Variants in SMAD3 observed in about 807,000 individuals in gnomAD.
SMAD3 encodes SMAD family member 3.
Under a neutral mutation model 51.8 loss-of-function variants are expected in SMAD3, and 12 were observed. That is an observed-to-expected ratio of 0.23 (90% CI 0.15 to 0.38). The LOEUF (loss-of-function observed/expected upper bound fraction) is 0.38. Ranked by LOEUF, SMAD3 falls within the 10% of genes least tolerant of loss-of-function variation. SMAD3 has a pLI of 1.00. For synonymous variants in SMAD3, 238 were observed against 227.7 expected (o/e 1.05, Z -0.41); for missense variants, 294 against 565.6 (o/e 0.52, Z 4.87).
At chr15:67,093,483 A>G (rs1455151276) in intron 1 of SMAD3, among the ~76,000 whole-genome samples, 3 of 152,162 alleles carry the variant, frequency 2.0e-5, no homozygotes, top group African/African-American at 7.2e-5. Flanking sequence ...CTGGCATCAG[A>G]TGATACTGGT....
rs1378663292 is a variant in SMAD3 at position 67,194,816 on chromosome 15, C to T, written c.*4280C>T. On this transcript the variant is annotated 3_prime_UTR_variant, in exon 9 of 9. Transcript: ENST00000327367. ...CAAGGGTCCTCTGAACCAAGCCCCA[C>T]TCCCTTGCTAGGGGTGAAAGCATTA... The T allele has an allele frequency of 8.6e-6, 2 of 232,784 alleles. No homozygotes were observed. Among genetic ancestry groups the T allele is most frequent in the Non-Finnish European group, 1.7e-5 (2 of 117,476 alleles). The allele number at this position is 232,784 out of a possible 1,614,324, so 14.4% of individuals were successfully genotyped here. A position where few individuals can be genotyped will look rare whatever the true frequency, so the allele number is the denominator to read the frequency against.
At chr15:67,124,751 T>A (rs4776896) in intron 1 of SMAD3, among the ~76,000 whole-genome samples, 103,095 of 152,030 alleles carry the variant, frequency 0.68, 35,003 homozygotes, top group African/African-American at 0.72. Flanking sequence ...GAAAAACCTC[T>A]CTGCTCTGTG....
At chr15:67,138,153 C>A in intron 1 of SMAD3, 2 of 1,351,346 alleles carry the variant, frequency 1.5e-6, no homozygotes, top group Non-Finnish European at 2.1e-6. Context: ...CTCGTCTCCC[C>A]ACCCGTCCAC....
chr15:67,144,158 G>C (rs967916410), intron 1 of SMAD3, among the ~76,000 whole-genome samples: 3 of 151,956 alleles, frequency 2.0e-5, no homozygotes, highest in African/African-American at 7.3e-5. Flanking sequence ...CATCTTGTTT[G>C]CCTGCTGCCC....
chr15:67,115,199 T>G (rs1961107722), intron 1 of SMAD3, among the ~76,000 whole-genome samples: 1 of 152,178 alleles, frequency 6.6e-6, no homozygotes, highest in Non-Finnish European at 1.5e-5. Context: ...CCATGAGCAC[T>G]TCCAGGAGCA....
At chr15:67,160,217 A>G (rs1962388852) in intron 1 of SMAD3, among the ~76,000 whole-genome samples, 1 of 152,248 alleles carries the variant, frequency 6.6e-6, no homozygotes, top group Admixed American at 6.5e-5. Flanking sequence ...GGAACTTCCA[A>G]GCTGTTTTCC....
chr15:67,121,223 C>G (rs2140243378), intron 1 of SMAD3, among the ~76,000 whole-genome samples: 1 of 152,334 alleles, frequency 6.6e-6, no homozygotes, highest in South Asian at 2.1e-4. Context: ...CGGCGTGGAG[C>G]CCAGTGGGGA....
intron 1 of SMAD3, among the ~76,000 whole-genome samples, chr15:67,120,366 T>C (rs1171233131): frequency 6.6e-6 from 1 of 152,210 alleles, no homozygotes; most frequent in Admixed American, 6.5e-5. Context: ...ACAAGTCTTA[T>C]ACACATGCCA....
At chr15:67,106,791 G>A (rs60475227) in intron 1 of SMAD3, among the ~76,000 whole-genome samples, 4,606 of 152,124 alleles carry the variant, frequency 0.03, 223 homozygotes, top group African/African-American at 0.1. Flanking sequence ...TCACTCTCTG[G>A]CATCAAAACT....
chr15:67,152,673 A>G (rs1962178696), intron 1 of SMAD3, among the ~76,000 whole-genome samples: 1 of 152,244 alleles, frequency 6.6e-6, no homozygotes, highest in Non-Finnish European at 1.5e-5. Flanking sequence ...TGAAATGGCC[A>G]CCCAGAAGAT....
At chr15:67,167,105 A>T (rs1183214156) in intron 4 of SMAD3, among the ~76,000 whole-genome samples, 2 of 152,164 alleles carry the variant, frequency 1.3e-5, no homozygotes, top group Admixed American at 1.3e-4. Flanking sequence ...AAGATGCCGC[A>T]TGGCACCAGG....
intron 8 of SMAD3, 126 bp downstream of exon 8, chr15:67,187,635 C>T: frequency 8.1e-7 from 1 of 1,236,938 alleles, no homozygotes; most frequent in Non-Finnish European, 1.2e-6. Context: ...GACCAAAGAT[C>T]AGAGAGAGGC....
chr15:67,084,617 G>T (rs1208401262), intron 1 of SMAD3, among the ~76,000 whole-genome samples: 1 of 152,154 alleles, frequency 6.6e-6, no homozygotes, highest in Non-Finnish European at 1.5e-5. Flanking sequence ...AGTGGTCCAG[G>T]AGCTGCAATG....
chr15:67,096,826 A>G (rs947846613), intron 1 of SMAD3, among the ~76,000 whole-genome samples: 3 of 152,190 alleles, frequency 2.0e-5, no homozygotes, highest in Admixed American at 6.5e-5. Context: ...AAGAAGCATC[A>G]TATAGGCAAG....
At chr15:67,145,497 G>C (rs1416115684) in intron 1 of SMAD3, among the ~76,000 whole-genome samples, 2 of 152,204 alleles carry the variant, frequency 1.3e-5, no homozygotes, top group Admixed American at 6.5e-5. Context: ...TTTCTAGAAT[G>C]TTCTGACATC....
intron 1 of SMAD3, among the ~76,000 whole-genome samples, chr15:67,149,448 A>G (rs115975379): frequency 1.3e-5 from 2 of 152,202 alleles, no homozygotes; most frequent in Admixed American, 6.5e-5. Context: ...TCCTGATTGT[A>G]GCTGTTTTAG....
chr15:67,126,853 T>C (rs1355776911), intron 1 of SMAD3, among the ~76,000 whole-genome samples: 3 of 152,120 alleles, frequency 2.0e-5, no homozygotes, highest in Non-Finnish European at 4.4e-5. Context: ...CTCACTGAAT[T>C]GTGGAGTGGG....
chr15:67,070,190 G>A (rs1030167485), intron 1 of SMAD3, among the ~76,000 whole-genome samples: 4 of 152,168 alleles, frequency 2.6e-5, no homozygotes, highest in African/African-American at 4.8e-5. Flanking sequence ...CACCATGCCC[G>A]TGTGGCCCAT....
At position 67,071,839 on chromosome 15, in the gene SMAD3, T is replaced by C. The variant is rs142639196; in HGVS notation, c.206+5479T>C. 6.3e-3 allele frequency among the ~76,000 whole-genome samples: 959 copies of C among 152,174 alleles called. 14 individuals are homozygous for C. Among genetic ancestry groups the C allele is most frequent in the Non-Finnish European group, 6.9e-3 (471 of 67,994 alleles). On this transcript the variant is annotated intron_variant, in intron 1 of 8. Transcript: ENST00000327367. The stretch of plus-strand genomic sequence containing the variant: ...AATAAATAAATAAATAAATGAAAAG[T>C]GGACAACTTGCAGATGGTTGTTTTG...
Sources: gnomAD v4.1 joint callset for allele counts (sites outside exome capture counted in the v4.1 genomes callset) on GRCh38, gnomAD v4.1.1 for gene constraint, MANE v1.5 for transcripts, NCBI Gene and HGNC (gene_info 2026-07-23, HGNC 2026-07-21) for gene names.